Variants in TLE1 observed in about 807,000 individuals in gnomAD.
TLE1 encodes the protein TLE family member 1, transcriptional corepressor, also known as transducin-like enhancer protein 1.
Under a neutral mutation model 89.8 loss-of-function variants are expected in TLE1, and 21 were observed. The ratio of observed to expected loss-of-function variants is 0.23; its 90% CI spans 0.17 to 0.34. The LOEUF (loss-of-function observed/expected upper bound fraction) is 0.34. Among genes scored for constraint, TLE1 ranks in the 10% least tolerant of loss-of-function variants. TLE1 has a pLI of 1.00. For missense variants in TLE1, 795 were observed against 1,031.2 expected (o/e 0.77, Z 3.14); for synonymous variants, 447 against 407.6 (o/e 1.10, Z -1.16).
intron 18 of TLE1, among the ~76,000 whole-genome samples, chr9:81,585,219 C>A (rs934353147): frequency 6.6e-6 from 1 of 152,104 alleles, no homozygotes; most frequent in Non-Finnish European, 1.5e-5. Context: ...CCCGCCCACC[C>A]CTCTTCAGAG....
At chr9:81,638,434 C>T (rs1450097789) in intron 6 of TLE1, among the ~76,000 whole-genome samples, 1 of 152,160 alleles carries the variant, frequency 6.6e-6, no homozygotes, top group East Asian at 1.9e-4. Context: ...TCCAAAAGGA[C>T]AGCGCTCCTC....
chr9:81,641,916 G>C (rs369616474), intron 6 of TLE1, among the ~76,000 whole-genome samples: 1 of 152,158 alleles, frequency 6.6e-6, no homozygotes, highest in Non-Finnish European at 1.5e-5. Context: ...CAGCTACTCA[G>C]GAGGTTGAGG....
chr9:81,637,487 T>C (rs570066935), intron 6 of TLE1, among the ~76,000 whole-genome samples: 5 of 152,160 alleles, frequency 3.3e-5, no homozygotes, highest in African/African-American at 9.7e-5. Context: ...GTTTGACTAA[T>C]ATCTATCAAC....
At chr9:81,599,336 G>C (rs1479165432) in intron 14 of TLE1, among the ~76,000 whole-genome samples, 1 of 152,080 alleles carries the variant, frequency 6.6e-6, no homozygotes, top group Non-Finnish European at 1.5e-5. Flanking sequence ...TTCCACATCA[G>C]CACTACCTGT....
chr9:81,649,308 TCAA>T (rs1447231217), intron 6 of TLE1, among the ~76,000 whole-genome samples: 5 of 152,094 alleles, frequency 3.3e-5, no homozygotes, highest in Non-Finnish European at 7.3e-5. Context: ...GTTAATTCAC[TCAA>T]CAAGCACAGA....
chr9:81,639,597 T>G (rs1427050099), intron 6 of TLE1, among the ~76,000 whole-genome samples: 3 of 149,144 alleles, frequency 2.0e-5, no homozygotes, highest in African/African-American at 4.9e-5. Flanking sequence ...TGTTTTTTTT[T>G]TTTTTGAGAC....
intron 6 of TLE1, among the ~76,000 whole-genome samples, chr9:81,644,531 A>G (rs1160473406): frequency 6.6e-6 from 1 of 152,234 alleles, no homozygotes; most frequent in Non-Finnish European, 1.5e-5. Context: ...AGAGATGGAT[A>G]AGCACATTGG....
intron 6 of TLE1, among the ~76,000 whole-genome samples, chr9:81,645,909 A>G (rs1828802662): frequency 6.6e-6 from 1 of 152,208 alleles, no homozygotes; most frequent in Non-Finnish European, 1.5e-5. Flanking sequence ...TTAAAAACAC[A>G]CAGGTGTAAC....
chr9:81,612,598 G>A (rs1157771516), intron 12 of TLE1, among the ~76,000 whole-genome samples: 1 of 152,086 alleles, frequency 6.6e-6, no homozygotes, highest in Non-Finnish European at 1.5e-5. Flanking sequence ...TCCCCTAGCA[G>A]AAAACCAGCA....
chr9:81,616,808 C>CAGTGAA, intron 9 of TLE1, 109 bp from the exon 10 acceptor site: 1 of 1,203,810 alleles, frequency 8.3e-7, no homozygotes, highest in Non-Finnish European at 1.2e-6. Context: ...AAAAAACTAC[C>CAGTGAA]TGGGACAGGC....
In TLE1 at chr9:81,610,103, C is replaced by T. The variant is rs1350245768; in HGVS notation, c.1331+117G>A. On this transcript the variant is annotated intron_variant, in intron 14 of 19. Transcript: ENST00000376499. Reference sequence around the variant, plus strand: ...AGTGTTAACACTCCTCAGGAAAAGACACCAGAAATCTCCTTGGAAACGCCC... The same window carrying T: ...AGTGTTAACACTCCTCAGGAAAAGATACCAGAAATCTCCTTGGAAACGCCC... 4 of 854,788 alleles carry T rather than the reference C, an allele frequency of 4.7e-6. No homozygotes were observed. In the Middle Eastern group the frequency reaches 6.7e-4, roughly 144 times the overall value. 53.0% of individuals were successfully genotyped at this position (854,788 alleles called of 1,614,324 possible).
intron 4 of TLE1, among the ~76,000 whole-genome samples, chr9:81,665,130 G>C (rs1031438446): frequency 6.6e-6 from 1 of 152,170 alleles, no homozygotes; most frequent in African/African-American, 2.4e-5. Context: ...CAACATGAGA[G>C]CTGCCCTCTC....
At chr9:81,587,934 G>GTT in intron 16 of TLE1, 106 bp from the exon 17 acceptor site, 1 of 983,312 alleles carries the variant, frequency 1.0e-6, no homozygotes, top group Non-Finnish European at 1.4e-6. Flanking sequence ...GTGTGTGTGT[G>GTT]TGTGTGTGTG....
intron 14 of TLE1, among the ~76,000 whole-genome samples, chr9:81,594,597 C>T (rs375339918): frequency 8.5e-5 from 13 of 152,184 alleles, no homozygotes; most frequent in African/African-American, 2.9e-4. Flanking sequence ...CTTCCACTTT[C>T]TTAACTTGAA....
At chr9:81,612,099 C>A in intron 12 of TLE1, 140 bp from the exon 13 acceptor site, 3 of 696,910 alleles carry the variant, frequency 4.3e-6, no homozygotes, top group Non-Finnish European at 6.2e-6. Flanking sequence ...GGGAAAATCA[C>A]CTCCAATTTA....
rs542781481 is a variant in TLE1, at chr9:81,633,158, G to A, written c.594+190C>T. Among the ~76,000 whole-genome samples, 180 of 152,000 alleles carry A rather than the reference G, an allele frequency of 1.2e-3. 1 individual carries two copies. The highest frequency in any genetic ancestry group is 0.01 in the Middle Eastern group (3 of 292). ...TTTTGTAAAAAGACAAGAGCAGAGC[G>A]AACAGTCATATAAGAAAAAGAAATT... On this transcript the variant is annotated intron_variant, in intron 8 of 19. Transcript: ENST00000376499.
At chr9:81,597,439 G>T (rs1368055208) in intron 14 of TLE1, among the ~76,000 whole-genome samples, 3 of 152,190 alleles carry the variant, frequency 2.0e-5, no homozygotes, top group Non-Finnish European at 2.9e-5. Flanking sequence ...AAATTCTTAA[G>T]TCATCAAAGG....
At chr9:81,658,171 CAA>C (rs1488704338) in intron 4 of TLE1, among the ~76,000 whole-genome samples, 1 of 151,804 alleles carries the variant, frequency 6.6e-6, no homozygotes, top group Non-Finnish European at 1.5e-5. Context: ...CTCAGCCTCC[CAA>C]AGTGCTAGGA....
chr9:81,622,003 T>C (rs570753304), intron 8 of TLE1, among the ~76,000 whole-genome samples: 45 of 152,266 alleles, frequency 3.0e-4, no homozygotes, highest in African/African-American at 9.1e-4. Context: ...TGTTTGGGGA[T>C]GAAAGGTGAG....
Sources: gnomAD v4.1 joint callset for allele counts (sites outside exome capture counted in the v4.1 genomes callset) on GRCh38, gnomAD v4.1.1 for gene constraint, MANE v1.5 for transcripts, NCBI Gene and HGNC (gene_info 2026-07-23, HGNC 2026-07-21) for gene names.